Variants in DNAH11 observed in about 807,000 individuals in gnomAD.
The protein encoded by DNAH11 is axonemal beta dynein heavy chain 11.
Under a neutral mutation model 526.0 loss-of-function variants are expected in DNAH11, and 442 were observed. The ratio of observed to expected loss-of-function variants is 0.84; its 90% confidence interval spans 0.78 to 0.91. The LOEUF is 0.91. DNAH11 is among the 40% of genes least tolerant of loss of function. The pLI, the probability that DNAH11 is intolerant of heterozygous loss-of-function variation, is 0.00. For missense variants in DNAH11, 6,989 were observed against 5,448.7 expected, an observed-to-expected ratio of 1.28 and a Z score of -8.90; for synonymous variants, 2,461 against 1,935.9, an observed-to-expected ratio of 1.27 and a Z score of -7.12.
Position 21,880,859 on chromosome 7 carries a change from G to C in DNAH11, c.12353G>C (p.Ser4118Thr), listed in dbSNP as rs1205553299. 1.9e-6 allele frequency: 3 copies of C among 1,613,116 alleles called. No individual in the cohort carries two copies. The highest frequency in any genetic ancestry group is 2.2e-5 in the East Asian group (1 of 44,868). Reference sequence around the variant, plus strand: ...CCTGGAGACCTCACCATTTGTGCCAGTGTCCTCTACAACTACTTAGAGGCA... The same window carrying C: ...CCTGGAGACCTCACCATTTGTGCCACTGTCCTCTACAACTACTTAGAGGCA... ...FNPGDLTICA[S>T]VLYNYLEANS... The change falls in exon 75 of 82, where the codon AGT (serine) becomes ACT (threonine). Residue 4118 changes from serine to threonine, a missense_variant. Coordinates refer to ENST00000409508, the MANE Select transcript of DNAH11 (RefSeq NM_001277115.2).
At chr7:21,582,136 T>C in intron 9 of DNAH11, 115 bp downstream of exon 9, 1 of 642,654 alleles carries the variant, frequency 1.6e-6, no homozygotes, top group Non-Finnish European at 2.7e-6. Context: ...CTAGTCATAT[T>C]CCCTTCAAAT....
chr7:21,692,200 G>A (rs563632057), intron 35 of DNAH11, among the ~76,000 whole-genome samples: 48 of 152,188 alleles, frequency 3.2e-4, no homozygotes, highest in African/African-American at 1.1e-3. Context: ...AAAATTGTAA[G>A]GTTTATCATC....
chr7:21,874,773 T>C (rs1036259796), intron 74 of DNAH11, among the ~76,000 whole-genome samples: 5 of 152,138 alleles, frequency 3.3e-5, no homozygotes, highest in African/African-American at 9.7e-5. Flanking sequence ...ATCAACATCA[T>C]TGTCAAGTCT....
chr7:21,728,265 T>C (rs1190142327), intron 45 of DNAH11, among the ~76,000 whole-genome samples: 1 of 70,264 alleles, frequency 1.4e-5, no homozygotes, highest in African/African-American at 4.0e-5. Flanking sequence ...TTTTTTTTTT[T>C]TTTTTTTTTT....
intron 9 of DNAH11, among the ~76,000 whole-genome samples, chr7:21,584,812 C>A (rs1448023488): frequency 2.6e-5 from 4 of 152,106 alleles, no homozygotes. Flanking sequence ...CTACTGTAAT[C>A]TTCTTCACTT....
chr7:21,854,199 G>C (rs1411774727), intron 67 of DNAH11, 116 bp from the exon 68 acceptor site: 8 of 1,048,650 alleles, frequency 7.6e-6, no homozygotes, highest in Non-Finnish European at 9.4e-6. Flanking sequence ...TGCCATGCAT[G>C]TTATCTATTT....
At chr7:21,734,886 A>C (rs1283207817) in intron 45 of DNAH11, among the ~76,000 whole-genome samples, 1 of 151,340 alleles carries the variant, frequency 6.6e-6, no homozygotes, top group African/African-American at 2.4e-5. Flanking sequence ...AAAAACTCAC[A>C]ATCAACCGGG....
intron 63 of DNAH11, among the ~76,000 whole-genome samples, chr7:21,812,792 G>C (rs867578772): frequency 3.3e-4 from 50 of 152,284 alleles, no homozygotes; most frequent in Middle Eastern, 3.4e-3. Context: ...ATGTGAGAGG[G>C]AACTTTTGAA....
intron 29 of DNAH11, among the ~76,000 whole-genome samples, chr7:21,658,436 T>C (rs1379576089): frequency 6.6e-6 from 1 of 152,156 alleles, no homozygotes; most frequent in Non-Finnish European, 1.5e-5. Context: ...GATGTTTGGC[T>C]TCTGAAAACA....
intron 30 of DNAH11, among the ~76,000 whole-genome samples, chr7:21,669,448 G>T (rs1329418153): frequency 6.6e-6 from 1 of 152,130 alleles, no homozygotes; most frequent in African/African-American, 2.4e-5. Flanking sequence ...TGGGATTAAA[G>T]GTGTGAGCCA....
intron 54 of DNAH11, among the ~76,000 whole-genome samples, chr7:21,758,166 CTG>C (rs1562529039): frequency 6.6e-6 from 1 of 152,204 alleles, no homozygotes; most frequent in Non-Finnish European, 1.5e-5. Context: ...ATGCTGCCAA[CTG>C]TGTTTTGCTT....
Position 21,892,453 on chromosome 7 carries a change from G to C in DNAH11, c.12536G>C (p.Gly4179Ala). The C allele has an allele frequency of 6.2e-7, 1 of 1,612,160 alleles. No homozygotes were observed. The highest frequency in any genetic ancestry group is 8.5e-7 in the Non-Finnish European group (1 of 1,178,554). ...LTEDELMLAP[G>A]FAAPPYLDYA... The stretch of plus-strand genomic sequence containing the variant: ...GAAGATGAACTGATGCTGGCACCAG[G>C]TTTTGCTGCCCCACCCTACCTAGAT... Residue 4179 changes from glycine to alanine, a missense_variant, in exon 77 of 82, where the codon GGT becomes GCT. Transcript: ENST00000409508.
At chr7:21,730,455 C>G (rs535168923) in intron 45 of DNAH11, among the ~76,000 whole-genome samples, 13 of 152,308 alleles carry the variant, frequency 8.5e-5, no homozygotes, top group Admixed American at 7.8e-4. Flanking sequence ...AAATTGAAAT[C>G]CAAAATACTT....
At chr7:21,738,289 T>G (rs1053686860) in intron 46 of DNAH11, among the ~76,000 whole-genome samples, 1 of 152,228 alleles carries the variant, frequency 6.6e-6, no homozygotes, top group Non-Finnish European at 1.5e-5. Context: ...TGGGAGACTT[T>G]CCTGAGCTGT....
rs1192624503 is a variant in DNAH11 at position 21,601,446 on chromosome 7, G to A, written c.3476G>A (p.Arg1159Lys). The A allele has an allele frequency of 6.8e-6, 11 of 1,613,726 alleles. No individual in the cohort carries two copies. The highest frequency in any genetic ancestry group is 6.6e-5 in the South Asian group (6 of 91,048). Residue 1159 changes from arginine to lysine, a missense_variant, in exon 18 of 82, where the codon AGA becomes AAA. Transcript: ENST00000409508. ...FIKETDSGLQ[R>K]ELNEGDHDGL... ...AAGGAGACAGATTCCGGACTTCAGAGAGAATTAAATGAAGGTGATCATGAT... is the reference window on the plus strand; with the variant it reads ...AAGGAGACAGATTCCGGACTTCAGAAAGAATTAAATGAAGGTGATCATGAT...
chr7:21,837,274 A>G (rs1374903767), intron 65 of DNAH11, among the ~76,000 whole-genome samples: 2 of 152,222 alleles, frequency 1.3e-5, no homozygotes, highest in African/African-American at 2.4e-5. Context: ...TCAAAAAGAT[A>G]TCTGCACTTG....
intron 25 of DNAH11, among the ~76,000 whole-genome samples, chr7:21,632,457 T>C (rs1157291383): frequency 1.3e-5 from 2 of 152,306 alleles, no homozygotes; most frequent in Non-Finnish European, 2.9e-5. Flanking sequence ...GCTTCCCTTA[T>C]AAAACTGAAT....
chr7:21,604,537 C>T (rs1031344173), intron 18 of DNAH11, among the ~76,000 whole-genome samples: 11 of 152,264 alleles, frequency 7.2e-5, no homozygotes, highest in African/African-American at 2.6e-4. Flanking sequence ...GGTCGTCATA[C>T]CTCAAGGGAT....
intron 20 of DNAH11, among the ~76,000 whole-genome samples, chr7:21,613,499 T>G (rs897510058): frequency 1.3e-5 from 2 of 150,242 alleles, no homozygotes; most frequent in African/African-American, 4.9e-5. Flanking sequence ...AGTTCTTGTA[T>G]GTGAAGATAT....
Sources: gnomAD v4.1 joint callset for allele counts (sites outside exome capture counted in the v4.1 genomes callset) on GRCh38, gnomAD v4.1.1 for gene constraint, MANE v1.5 for transcripts, NCBI Gene and HGNC (gene_info 2026-07-23, HGNC 2026-07-21) for gene names.